KIAA0040: variants seen among roughly 807,000 people sequenced by gnomAD.
KIAA0040 encodes uncharacterized protein KIAA0040.
A neutral mutation model predicts 7.2 loss-of-function variants in KIAA0040; 10 were observed. The observed-to-expected ratio is 1.38, with a 90% confidence interval of 0.85 to 2.34. KIAA0040 has a LOEUF of 2.34. Among genes scored for constraint, KIAA0040 ranks in the 30% most tolerant of loss-of-function variants. The pLI, the probability that KIAA0040 is intolerant of heterozygous loss-of-function variation, is 0.00. For synonymous variants in KIAA0040, 49 were observed against 40.1 expected (o/e 1.22, Z -0.84); for missense variants, 89 against 108.2 (o/e 0.82, Z 0.79).
intron 3 of KIAA0040, among the ~76,000 whole-genome samples, chr1:175,162,207 G>T (rs921241028): frequency 6.6e-6 from 1 of 152,190 alleles, no homozygotes; most frequent in African/African-American, 2.4e-5. Context: ...GGACAGGCAT[G>T]ATTCAAGGAA....
At chr1:175,168,958 C>A (rs936894093) in intron 2 of KIAA0040, among the ~76,000 whole-genome samples, 2 of 152,178 alleles carry the variant, frequency 1.3e-5, no homozygotes, top group Non-Finnish European at 2.9e-5. Context: ...TGCAGAGCAT[C>A]CAGGGGAGGA....
intron 2 of KIAA0040, among the ~76,000 whole-genome samples, chr1:175,176,233 G>C (rs1405338490): frequency 6.6e-6 from 1 of 152,146 alleles, no homozygotes; most frequent in African/African-American, 2.4e-5. Flanking sequence ...AAGTGATACA[G>C]ATATGGTTCT....
chr1:175,184,615 A>G (rs1441331297), intron 1 of KIAA0040, among the ~76,000 whole-genome samples: 3 of 152,186 alleles, frequency 2.0e-5, no homozygotes, highest in Admixed American at 1.3e-4. Context: ...AGAAGCACAC[A>G]TGTTTATGAA....
At chr1:175,191,459 G>A (rs1677862378) in intron 1 of KIAA0040, among the ~76,000 whole-genome samples, 1 of 152,196 alleles carries the variant, frequency 6.6e-6, no homozygotes, top group Admixed American at 6.5e-5. Context: ...TCAGACAAAA[G>A]GAAAGACTTG....
intron 2 of KIAA0040, among the ~76,000 whole-genome samples, chr1:175,175,200 T>G (rs545970940): frequency 6.6e-6 from 1 of 152,348 alleles, no homozygotes; most frequent in East Asian, 1.9e-4. Context: ...CAAACACTTG[T>G]GTCATTCAGG....
chr1:175,174,409 C>T (rs919408932), intron 2 of KIAA0040, among the ~76,000 whole-genome samples: 1 of 152,206 alleles, frequency 6.6e-6, no homozygotes, highest in Non-Finnish European at 1.5e-5. Flanking sequence ...AGAGGACCCT[C>T]TCCTAGTCCC....
chr1:175,159,471 A>T lies in KIAA0040; in HGVS notation c.*1243T>A, dbSNP rs892925547. 5.9e-5 allele frequency: 9 copies of T among 152,304 alleles called. No individual in the cohort carries two copies. Among genetic ancestry groups the T allele is most frequent in the Non-Finnish European group, 1.0e-4 (7 of 68,046 alleles). The allele number at this position is 152,304 out of a possible 1,614,324, so 9.4% of individuals were successfully genotyped here. A position where few individuals can be genotyped will look rare whatever the true frequency, so the allele number is the denominator to read the frequency against. Reference sequence around the variant, plus strand: ...TATCCAACAGTAACCACAGTTAGTTATAAGTACCTACTGTGTGCAAGGCAC... The same window carrying T: ...TATCCAACAGTAACCACAGTTAGTTTTAAGTACCTACTGTGTGCAAGGCAC... On this transcript the variant is annotated 3_prime_UTR_variant, in exon 4 of 4. Coordinates refer to ENST00000423313, the MANE Select transcript of KIAA0040 (RefSeq NM_014656.3).
Position 175,157,545 on chromosome 1 carries a change from A to C in KIAA0040, c.*3169T>G, listed in dbSNP as rs1275483031. On this transcript the variant is annotated 3_prime_UTR_variant, in exon 4 of 4. Transcript: ENST00000423313. The stretch of plus-strand genomic sequence containing the variant: ...GACTACATCAAGACTTTTCATTTTC[A>C]AAGTATTTTATTTAAATAAATTTTT... 6.6e-6 allele frequency: 1 copy of C among 152,230 alleles called. No individual in the cohort carries two copies. The highest frequency in any genetic ancestry group is 6.5e-5 in the Admixed American group (1 of 15,286). 9.4% of individuals were successfully genotyped at this position (152,230 alleles called of 1,614,324 possible). A position where few individuals can be genotyped will look rare whatever the true frequency, so the allele number is the denominator to read the frequency against.
rs897705037 is a variant in KIAA0040, at chr1:175,157,020, A to G, written c.*3694T>C. On this transcript the variant is annotated 3_prime_UTR_variant, in exon 4 of 4. Transcript: ENST00000423313. ...ATACCTTTAATTTTATTTCATTGCA[A>G]TGAATTTAAATAGTCACATGTGGCT... The G allele has an allele frequency of 1.3e-5, 2 of 152,066 alleles. No homozygotes were observed. The highest frequency in any genetic ancestry group is 4.8e-5 in the African/African-American group (2 of 41,396). The allele number at this position is 152,066 out of a possible 1,614,324, so 9.4% of individuals were successfully genotyped here.
At chr1:175,187,754 C>T (rs957301924) in intron 1 of KIAA0040, among the ~76,000 whole-genome samples, 2 of 152,180 alleles carry the variant, frequency 1.3e-5, no homozygotes, top group Non-Finnish European at 2.9e-5. Context: ...CCCTACACCA[C>T]CTCTGAACCT....
chr1:175,170,257 G>A (rs887299399), intron 2 of KIAA0040, among the ~76,000 whole-genome samples: 16 of 152,156 alleles, frequency 1.1e-4, no homozygotes, highest in Admixed American at 1.0e-3. Context: ...AGCAGGGCTT[G>A]AGCTAGGGGC....
chr1:175,191,759 A>C (rs925927827), intron 1 of KIAA0040, among the ~76,000 whole-genome samples: 1 of 152,198 alleles, frequency 6.6e-6, no homozygotes, highest in African/African-American at 2.4e-5. Flanking sequence ...AGCTGAGCAA[A>C]TGAAATGCAA....
intron 1 of KIAA0040, among the ~76,000 whole-genome samples, chr1:175,190,527 T>G (rs899844513): frequency 6.6e-6 from 1 of 152,170 alleles, no homozygotes; most frequent in African/African-American, 2.4e-5. Context: ...TTCTCTAGCT[T>G]ACATGATTTT....
chr1:175,184,614 C>T (rs772984267), intron 1 of KIAA0040, among the ~76,000 whole-genome samples: 2 of 152,196 alleles, frequency 1.3e-5, no homozygotes, highest in Non-Finnish European at 2.9e-5. Context: ...CAGAAGCACA[C>T]ATGTTTATGA....
intron 1 of KIAA0040, among the ~76,000 whole-genome samples, chr1:175,190,559 C>A (rs891385051): frequency 2.2e-4 from 34 of 152,198 alleles, no homozygotes; most frequent in Non-Finnish European, 4.7e-4. Context: ...CTACAAGGTA[C>A]CTTCCCCTGC....
Position 175,160,567 on chromosome 1 carries a change from G to A in KIAA0040, c.*147C>T, listed in dbSNP as rs1486981131. The A allele has an allele frequency of 1.3e-6, 1 of 785,258 alleles. No individual in the cohort carries two copies. Among genetic ancestry groups the A allele is most frequent in the Non-Finnish European group, 2.0e-6 (1 of 507,630 alleles). 48.6% of individuals were successfully genotyped at this position (785,258 alleles called of 1,614,324 possible). On this transcript the variant is annotated 3_prime_UTR_variant, in exon 4 of 4. Coordinates refer to ENST00000423313, the MANE Select transcript of KIAA0040 (RefSeq NM_014656.3). ...GGTCCCTGGGACTGCCCTCCACTGG[G>A]ACACTTAGTCTGAGGTTTGTTCCTT...
At chr1:175,184,326 T>A (rs1677569203) in intron 1 of KIAA0040, among the ~76,000 whole-genome samples, 1 of 152,210 alleles carries the variant, frequency 6.6e-6, no homozygotes, top group Admixed American at 6.5e-5. Flanking sequence ...TCACGTCACA[T>A]TACAGGGTCT....
Position 175,157,379 on chromosome 1 carries a change from T to G in KIAA0040, c.*3335A>C, listed in dbSNP as rs1676319014. ...GGTGAGACAGCCACATTCCTCATCC[T>G]CAGACCTATGACTCTACCATGGCGA... On this transcript the variant is annotated 3_prime_UTR_variant, in exon 4 of 4. Transcript: ENST00000423313. 6.6e-6 allele frequency: 1 copy of G among 152,214 alleles called. No individual in the cohort carries two copies. Among genetic ancestry groups the G allele is most frequent in the Non-Finnish European group, 1.5e-5 (1 of 68,060 alleles). 9.4% of individuals were successfully genotyped at this position (152,214 alleles called of 1,614,324 possible). A position where few individuals can be genotyped will look rare whatever the true frequency, so the allele number is the denominator to read the frequency against.
chr1:175,187,999 C>T (rs150581661), intron 1 of KIAA0040, among the ~76,000 whole-genome samples: 5 of 152,240 alleles, frequency 3.3e-5, no homozygotes, highest in East Asian at 1.9e-4. Flanking sequence ...AACATCCCAT[C>T]GGGAGAAAGC....
Sources: gnomAD v4.1 joint callset for allele counts (sites outside exome capture counted in the v4.1 genomes callset) on GRCh38, gnomAD v4.1.1 for gene constraint, MANE v1.5 for transcripts, NCBI Gene and HGNC (gene_info 2026-07-23, HGNC 2026-07-21) for gene names.